The following TSHZ2 variants were observed in gnomAD, a reference collection of about 807,000 sequenced individuals.
TSHZ2 encodes the protein teashirt zinc finger homeobox 2.
Under a neutral mutation model 74.4 loss-of-function variants are expected in TSHZ2, and 21 were observed. The ratio of observed to expected loss-of-function variants is 0.28; its 90% CI spans 0.20 to 0.41. The LOEUF (loss-of-function observed/expected upper bound fraction) is 0.41, where lower values mean the gene tolerates loss of function less well. Ranked by LOEUF, TSHZ2 falls within the 10% of genes least tolerant of loss-of-function variation. The pLI, the probability that TSHZ2 is intolerant of heterozygous loss-of-function variation, is 1.00. For synonymous variants in TSHZ2, 540 were observed against 515.3 expected (o/e 1.05, Z -0.65); for missense variants, 1,244 against 1,293.5 (o/e 0.96, Z 0.59).
chr20:53,096,842 A>G (rs749505410), intron 1 of TSHZ2, among the ~76,000 whole-genome samples: 7 of 152,036 alleles, frequency 4.6e-5, no homozygotes, highest in Non-Finnish European at 7.4e-5. Flanking sequence ...AGATCCTGCC[A>G]CTGCACTCCA....
intron 1 of TSHZ2, among the ~76,000 whole-genome samples, chr20:53,182,515 A>T (rs1983585874): frequency 6.6e-6 from 1 of 152,250 alleles, no homozygotes; most frequent in Admixed American, 6.5e-5. Context: ...ACAGACATTA[A>T]ACAGTTACAA....
chr20:53,102,529 T>C (rs1986246977), intron 1 of TSHZ2, among the ~76,000 whole-genome samples: 1 of 151,718 alleles, frequency 6.6e-6, no homozygotes, highest in South Asian at 2.1e-4. Context: ...GAAAAAGGAA[T>C]ACTCTTAATA....
chr20:53,025,054 G>A (rs6022222), intron 1 of TSHZ2, among the ~76,000 whole-genome samples: 1 of 151,682 alleles, frequency 6.6e-6, no homozygotes, highest in African/African-American at 2.4e-5. Flanking sequence ...TACTGTACTA[G>A]CAAAAAATGT....
intron 2 of TSHZ2, among the ~76,000 whole-genome samples, chr20:53,389,954 T>C (rs1378554023): frequency 1.3e-5 from 2 of 152,234 alleles, no homozygotes; most frequent in African/African-American, 4.8e-5. Flanking sequence ...TCTGGTGTCA[T>C]GGAGGCAAAT....
At chr20:53,017,592 TATA>T (rs1983087147) in intron 1 of TSHZ2, among the ~76,000 whole-genome samples, 1 of 148,530 alleles carries the variant, frequency 6.7e-6, no homozygotes, top group Non-Finnish European at 1.5e-5. Flanking sequence ...ATTAAGTAAA[TATA>T]ATAGGGAAAA....
rs186176531 is a variant in TSHZ2 at position 53,261,733 on chromosome 20, G to A, written c.*8+5162G>A. On this transcript the variant is annotated intron_variant, in intron 2 of 2. Transcript: ENST00000371497. The stretch of plus-strand genomic sequence containing the variant: ...TTTCATTTACTCCAATCTGCCATCA[G>A]TATCATCTTTTCATTTAACCAGATG... Among the ~76,000 whole-genome samples the A allele has an allele frequency of 5.9e-5, 9 of 152,278 alleles. No homozygotes were observed. In the East Asian group the frequency reaches 1.7e-3, roughly 29 times the overall value.
intron 2 of TSHZ2, among the ~76,000 whole-genome samples, chr20:53,262,188 A>G (rs1012538987): frequency 6.6e-6 from 1 of 151,866 alleles, no homozygotes; most frequent in Non-Finnish European, 1.5e-5. Context: ...AGTCATAATG[A>G]TAAACAGTTT....
At chr20:53,277,692 G>T (rs1307925363) in intron 2 of TSHZ2, among the ~76,000 whole-genome samples, 1 of 152,186 alleles carries the variant, frequency 6.6e-6, no homozygotes, top group Non-Finnish European at 1.5e-5. Flanking sequence ...TGTTTCCCAA[G>T]GGTACCAAGA....
intron 2 of TSHZ2, among the ~76,000 whole-genome samples, chr20:53,425,329 C>G (rs769795768): frequency 2.4e-4 from 36 of 152,142 alleles, no homozygotes; most frequent in Non-Finnish European, 3.1e-4. Flanking sequence ...TGAAACAAAG[C>G]TATTCACTCA....
At chr20:53,274,616 A>T (rs1990904630) in intron 2 of TSHZ2, among the ~76,000 whole-genome samples, 1 of 152,254 alleles carries the variant, frequency 6.6e-6, no homozygotes, top group Non-Finnish European at 1.5e-5. Context: ...ATGTCAGATG[A>T]CAGTAAATTT....
intron 1 of TSHZ2, among the ~76,000 whole-genome samples, chr20:53,038,192 C>CAAAAAAAAAAAAA (rs869242676): frequency 1.9e-5 from 1 of 53,918 alleles, no homozygotes; most frequent in Admixed American, 3.2e-4. Flanking sequence ...GATTCCGTCT[C>CAAAAAAAAAAAAA]AAAAAAAAAA....
chr20:53,108,219 A>G (rs1986434845), intron 1 of TSHZ2, among the ~76,000 whole-genome samples: 1 of 152,214 alleles, frequency 6.6e-6, no homozygotes, highest in Non-Finnish European at 1.5e-5. Context: ...AAAAGTAGAG[A>G]GGCTCTTTGG....
intron 2 of TSHZ2, among the ~76,000 whole-genome samples, chr20:53,362,904 A>G (rs150022730): frequency 3.3e-5 from 5 of 152,320 alleles, no homozygotes; most frequent in African/African-American, 1.2e-4. Flanking sequence ...ACTCATCTCC[A>G]CACATCAAAA....
intron 1 of TSHZ2, among the ~76,000 whole-genome samples, chr20:53,037,601 C>A (rs6013614): frequency 1.3e-5 from 2 of 152,064 alleles, no homozygotes. Flanking sequence ...CCTATTTTTA[C>A]GGGTAAGTTT....
intron 2 of TSHZ2, among the ~76,000 whole-genome samples, chr20:53,436,542 A>ATTT (rs1227006046): frequency 2.5e-4 from 25 of 98,866 alleles, no homozygotes; most frequent in South Asian, 1.5e-3. Flanking sequence ...TATTATTATT[A>ATTT]TTATTATTTT....
chr20:53,437,226 A>C (rs573828249), intron 2 of TSHZ2, among the ~76,000 whole-genome samples: 1 of 152,260 alleles, frequency 6.6e-6, no homozygotes, highest in African/African-American at 2.4e-5. Context: ...TAATTCCAGC[A>C]CTTTGGGAGG....
chr20:53,452,932 T>G (rs1984860993), intron 2 of TSHZ2: 1 of 152,212 alleles, frequency 6.6e-6, no homozygotes. Flanking sequence ...GCATGTCTTA[T>G]TCACCGTAAT....
chr20:53,383,162 C>T (rs993575940), intron 2 of TSHZ2, among the ~76,000 whole-genome samples: 2 of 151,718 alleles, frequency 1.3e-5, no homozygotes, highest in African/African-American at 2.4e-5. Flanking sequence ...ACTCGGGAGG[C>T]TGAGGTAGGA....
chr20:53,045,384 A>G (rs1311822091), intron 1 of TSHZ2, among the ~76,000 whole-genome samples: 1 of 152,214 alleles, frequency 6.6e-6, no homozygotes, highest in African/African-American at 2.4e-5. Flanking sequence ...GGTTCTAGTG[A>G]TTTCCACAGT....
Sources: gnomAD v4.1 joint callset for allele counts (sites outside exome capture counted in the v4.1 genomes callset) on GRCh38, gnomAD v4.1.1 for gene constraint, MANE v1.5 for transcripts, NCBI Gene and HGNC (gene_info 2026-07-23, HGNC 2026-07-21) for gene names.